Variants in CNTNAP2 observed in about 807,000 individuals in gnomAD.
CNTNAP2 encodes the protein contactin-associated protein-like 2.
A neutral mutation model predicts 155.2 loss-of-function variants in CNTNAP2; 98 were observed. The ratio of observed to expected loss-of-function variants is 0.63; its 90% confidence interval spans 0.54 to 0.75. The LOEUF (loss-of-function observed/expected upper bound fraction) is 0.75, where lower values mean the gene tolerates loss of function less well. CNTNAP2 is among the 30% of genes least tolerant of loss of function. CNTNAP2 has a pLI of 0.00. For synonymous variants in CNTNAP2, 651 were observed against 631.2 expected, an observed-to-expected ratio of 1.03 and a Z score of -0.47; for missense variants, 1,727 against 1,688.1, an observed-to-expected ratio of 1.02 and a Z score of -0.40.
intron 13 of CNTNAP2, among the ~76,000 whole-genome samples, chr7:147,655,154 ACT>A (rs1190565501): frequency 1.4e-5 from 2 of 146,062 alleles, no homozygotes; most frequent in South Asian, 2.2e-4. Context: ...GCAGAGTCTC[ACT>A]CTGTCACCCA....
intron 21 of CNTNAP2, among the ~76,000 whole-genome samples, chr7:148,345,755 G>A (rs1385776911): frequency 6.6e-6 from 1 of 152,016 alleles, no homozygotes; most frequent in Non-Finnish European, 1.5e-5. Flanking sequence ...TCCTGGCTTT[G>A]GGTTGGATCT....
intron 12 of CNTNAP2, among the ~76,000 whole-genome samples, chr7:147,597,362 T>C (rs1331752942): frequency 6.6e-6 from 1 of 152,184 alleles, no homozygotes; most frequent in Non-Finnish European, 1.5e-5. Flanking sequence ...TTTTTGATCT[T>C]TTAGGACCAG....
At chr7:147,460,467 C>T (rs1798003520) in intron 10 of CNTNAP2, among the ~76,000 whole-genome samples, 1 of 152,150 alleles carries the variant, frequency 6.6e-6, no homozygotes, top group Non-Finnish European at 1.5e-5. Flanking sequence ...TAAAGAAATC[C>T]TGCTTTGCTT....
rs190924906 is a variant in CNTNAP2, at chr7:146,509,315, A to C, written c.98-264956A>C. On this transcript the variant is annotated intron_variant, in intron 1 of 23. Transcript: ENST00000361727. ...CTGTGCTAACCACTTGCTCACCTGC[A>C]ATTGCTGATGGAGGGAGGGATGAGT... Among the ~76,000 whole-genome samples the C allele has an allele frequency of 1.2e-3, 182 of 152,276 alleles. 2 individuals carry two copies. Among genetic ancestry groups the C allele is most frequent in the African/African-American group, 4.2e-3 (174 of 41,554 alleles).
intron 16 of CNTNAP2, among the ~76,000 whole-genome samples, chr7:148,129,828 C>T (rs941129425): frequency 6.6e-6 from 1 of 152,200 alleles, no homozygotes; most frequent in Non-Finnish European, 1.5e-5. Context: ...TGTGGCTTAC[C>T]ACCTCCCAAC....
At chr7:146,233,240 C>T (rs1348409370) in intron 1 of CNTNAP2, among the ~76,000 whole-genome samples, 1 of 152,080 alleles carries the variant, frequency 6.6e-6, no homozygotes. Flanking sequence ...ACAGATTTGA[C>T]TCTTCCATAA....
intron 12 of CNTNAP2, among the ~76,000 whole-genome samples, chr7:147,634,119 A>T (rs1314842136): frequency 2.0e-5 from 3 of 152,212 alleles, no homozygotes; most frequent in Non-Finnish European, 4.4e-5. Context: ...TACCCAGAGG[A>T]AAAGAAGTCA....
intron 14 of CNTNAP2, among the ~76,000 whole-genome samples, chr7:147,977,601 G>T (rs770679009): frequency 6.6e-6 from 1 of 152,152 alleles, no homozygotes; most frequent in African/African-American, 2.4e-5. Flanking sequence ...AAAAGAGTAC[G>T]CAGCATAATG....
intron 1 of CNTNAP2, among the ~76,000 whole-genome samples, chr7:146,372,487 C>T (rs1795250035): frequency 6.6e-6 from 1 of 152,098 alleles, no homozygotes; most frequent in African/African-American, 2.4e-5. Context: ...ACCATTCCTC[C>T]ATTTACATGA....
At chr7:148,269,870 T>G (rs1316869023) in intron 21 of CNTNAP2, among the ~76,000 whole-genome samples, 1 of 152,260 alleles carries the variant, frequency 6.6e-6, no homozygotes, top group Non-Finnish European at 1.5e-5. Context: ...TGTTAAGTGC[T>G]CCTTCAGAAC....
intron 14 of CNTNAP2, among the ~76,000 whole-genome samples, chr7:147,930,209 A>G (rs1458128070): frequency 6.6e-6 from 1 of 152,218 alleles, no homozygotes; most frequent in Admixed American, 6.5e-5. Context: ...GGTTAACAAA[A>G]TGGCAATAGT....
At chr7:146,269,111 G>A (rs1456867285) in intron 1 of CNTNAP2, among the ~76,000 whole-genome samples, 3 of 152,152 alleles carry the variant, frequency 2.0e-5, no homozygotes, top group African/African-American at 4.8e-5. Context: ...GGAGGCTGAG[G>A]TGGGCAGGTC....
intron 1 of CNTNAP2, among the ~76,000 whole-genome samples, chr7:146,403,115 T>C (rs2129108888): frequency 6.6e-6 from 1 of 152,300 alleles, no homozygotes; most frequent in African/African-American, 2.4e-5. Flanking sequence ...TATATGCATT[T>C]CATAATTTTT....
intron 15 of CNTNAP2, among the ~76,000 whole-genome samples, chr7:148,020,196 A>G (rs914764047): frequency 6.6e-6 from 1 of 152,234 alleles, no homozygotes; most frequent in African/African-American, 2.4e-5. Context: ...TTGGTTTTCT[A>G]TACTGGATTA....
intron 11 of CNTNAP2, among the ~76,000 whole-genome samples, chr7:147,498,614 G>GA (rs1798754102): frequency 6.6e-6 from 1 of 152,184 alleles, no homozygotes; most frequent in Non-Finnish European, 1.5e-5. Context: ...TAGTAATCAA[G>GA]AAAAATGTTT....
chr7:148,104,392 C>T (rs900142796), intron 15 of CNTNAP2, among the ~76,000 whole-genome samples: 2 of 152,142 alleles, frequency 1.3e-5, no homozygotes, highest in Non-Finnish European at 2.9e-5. Context: ...CCACATTTTA[C>T]TCACCTGATG....
intron 22 of CNTNAP2, among the ~76,000 whole-genome samples, chr7:148,393,387 C>A (rs1365615406): frequency 6.6e-6 from 1 of 152,220 alleles, no homozygotes; most frequent in Admixed American, 6.5e-5. Flanking sequence ...AAACTATCAT[C>A]CCTTGCTTGC....
At chr7:146,327,789 A>G (rs1420095870) in intron 1 of CNTNAP2, among the ~76,000 whole-genome samples, 1 of 152,244 alleles carries the variant, frequency 6.6e-6, no homozygotes, top group Non-Finnish European at 1.5e-5. Flanking sequence ...AAGGATTAAG[A>G]GCTTTATTCC....
At chr7:147,506,934 T>G (rs1798917091) in intron 11 of CNTNAP2, among the ~76,000 whole-genome samples, 1 of 152,244 alleles carries the variant, frequency 6.6e-6, no homozygotes, top group African/African-American at 2.4e-5. Context: ...GGCTAGTGAT[T>G]TGGCCTCCCT....
Sources: gnomAD v4.1 joint callset for allele counts (sites outside exome capture counted in the v4.1 genomes callset) on GRCh38, gnomAD v4.1.1 for gene constraint, MANE v1.5 for transcripts, NCBI Gene and HGNC (gene_info 2026-07-23, HGNC 2026-07-21) for gene names.